Variants in TSC22D1 observed in about 807,000 individuals in gnomAD.
TSC22D1 encodes TSC22 domain family protein 1.
Under a neutral mutation model 74.2 loss-of-function variants are expected in TSC22D1, and 9 were observed. The ratio of observed to expected loss-of-function variants is 0.12; its 90% CI spans 0.07 to 0.21. The LOEUF (loss-of-function observed/expected upper bound fraction) is 0.21. Among genes scored for constraint, TSC22D1 ranks in the 10% least tolerant of loss-of-function variants. The probability of loss-of-function intolerance (pLI) is 1.00; values close to 1 mark genes in which losing one functional copy is unlikely to be tolerated. For synonymous variants in TSC22D1, 586 were observed against 492.5 expected, an observed-to-expected ratio of 1.19 and a Z score of -2.51; for missense variants, 1,427 against 1,304.7, an observed-to-expected ratio of 1.09 and a Z score of -1.44.
chr13:44,532,558 C>T (rs1403369474), intron 1 of TSC22D1, among the ~76,000 whole-genome samples: 1 of 152,154 alleles, frequency 6.6e-6, no homozygotes, highest in African/African-American at 2.4e-5. Context: ...ACTGCAAGCT[C>T]CGCCTCCCAG....
At chr13:44,572,762 T>C (rs1381167889) in intron 1 of TSC22D1, among the ~76,000 whole-genome samples, 1 of 152,212 alleles carries the variant, frequency 6.6e-6, no homozygotes, top group Non-Finnish European at 1.5e-5. Context: ...GGATGTCTAG[T>C]AAAGGAGAAC....
Position 44,536,939 on chromosome 13 carries a change from A to AC in TSC22D1, c.2912+36223_2912+36224insG, listed in dbSNP as rs1566159517. The AC allele has an allele frequency of 3.8e-4, 318 of 830,716 alleles. 4 individuals are homozygous for AC. In the African/African-American group the frequency reaches 6.6e-3, roughly 17 times the overall value. The allele number at this position is 830,716 out of a possible 1,614,324, so 51.5% of individuals were successfully genotyped here. Reference sequence around the variant, plus strand: ...AAGTATTTTTCTGAAAAAAAAAAAAAAAAAAAAAAAAAAAAAAAAACAAAA... The same window carrying AC: ...AAGTATTTTTCTGAAAAAAAAAAAAACAAAAAAAAAAAAAAAAAAAACAAAA... On this transcript the variant is annotated intron_variant, in intron 1 of 2. Transcript: ENST00000458659.
intron 1 of TSC22D1, among the ~76,000 whole-genome samples, chr13:44,526,612 C>T (rs9525974): frequency 0.38 from 58,443 of 152,060 alleles, 12,648 homozygotes; most frequent in Middle Eastern, 0.61. Context: ...ACTTAAGTCC[C>T]AGTAAGTCCA....
chr13:44,574,353 T>G lies in TSC22D1; in HGVS notation c.1722A>C (p.Ala574=), dbSNP rs769226789. ...TTACAGGCGATGGCTGGATACCAGT[T>G]GCAGCACTCATAGTGGCTTGCAGAG... ...PVPLQATMSA[A]TGIQPSPVNV... is the part of the protein sequence containing the mutation. Residue 574 remains alanine (A), a synonymous_variant, in exon 1 of 3, where the codon GCA becomes GCC. Coordinates refer to ENST00000458659, the MANE Select transcript of TSC22D1 (RefSeq NM_183422.4). 1.7e-5 allele frequency: 28 copies of G among 1,614,142 alleles called. No individual in the cohort carries two copies. Among genetic ancestry groups the G allele is most frequent in the Non-Finnish European group, 2.3e-5 (27 of 1,180,050 alleles).
chr13:44,452,316 C>G (rs1876208836), intron 1 of TSC22D1, among the ~76,000 whole-genome samples: 1 of 152,198 alleles, frequency 6.6e-6, no homozygotes, highest in Non-Finnish European at 1.5e-5. Flanking sequence ...CCCAGTTAAT[C>G]TTTACTACTC....
chr13:44,476,020 T>C (rs1230630563), intron 1 of TSC22D1, among the ~76,000 whole-genome samples: 1 of 152,188 alleles, frequency 6.6e-6, no homozygotes, highest in Non-Finnish European at 1.5e-5. Context: ...GAGCTCTGCA[T>C]GAACCATATA....
intron 1 of TSC22D1, among the ~76,000 whole-genome samples, chr13:44,509,212 CAGTCAATACCAGTGAATTCTGA>C (rs994025262): frequency 6.6e-6 from 1 of 152,148 alleles, no homozygotes; most frequent in Non-Finnish European, 1.5e-5. Context: ...AACAATGCTA[CAGTCAATACCAGTGAATTCTGA>C]AGCCAAGATT....
chr13:44,551,310 G>GGGGGTGTGTGTGTGT (rs1555272439), intron 1 of TSC22D1, among the ~76,000 whole-genome samples: 4 of 132,776 alleles, frequency 3.0e-5, no homozygotes, highest in African/African-American at 1.2e-4. Flanking sequence ...ATCAGCTGGG[G>GGGGGTGTGTGTGTGT]GTGTGTGTGT....
chr13:44,537,694 C>T, intron 1 of TSC22D1: 1 of 984,612 alleles, frequency 1.0e-6, no homozygotes, highest in African/African-American at 1.7e-5. Flanking sequence ...TATGGGAATT[C>T]AAAGCTCTCT....
At chr13:44,564,896 A>C (rs1441332880) in intron 1 of TSC22D1, among the ~76,000 whole-genome samples, 1 of 152,190 alleles carries the variant, frequency 6.6e-6, no homozygotes, top group Non-Finnish European at 1.5e-5. Flanking sequence ...AGTAATGATC[A>C]AGATGTAGAG....
intron 1 of TSC22D1, among the ~76,000 whole-genome samples, chr13:44,474,757 C>T (rs901475794): frequency 6.6e-6 from 1 of 150,568 alleles, no homozygotes; most frequent in South Asian, 2.1e-4. Flanking sequence ...GGAAGGAGGA[C>T]GGGAGGAGAG....
chr13:44,455,302 T>TTAA (rs1223398379), intron 1 of TSC22D1, among the ~76,000 whole-genome samples: 1 of 152,196 alleles, frequency 6.6e-6, no homozygotes, highest in African/African-American at 2.4e-5. Flanking sequence ...AAATGCTGTA[T>TTAA]TCAAGAGACC....
At chr13:44,532,639 A>AT (rs759228705) in intron 1 of TSC22D1, among the ~76,000 whole-genome samples, 11 of 151,712 alleles carry the variant, frequency 7.3e-5, no homozygotes, top group South Asian at 6.3e-4. Context: ...ATGCCCGGCT[A>AT]TTTTTTTAAT....
In TSC22D1 at chr13:44,478,062, T is replaced by TATA. The variant is rs746733291; in HGVS notation, c.2913-41970_2913-41968dup. On this transcript the variant is annotated intron_variant, in intron 1 of 2. Transcript: ENST00000458659. Reference sequence around the variant, plus strand: ...AAAAAGCAAATAGTAAAATAATAAGTATAATAATAATAATAAGTAAAATAA... The same window carrying TATA: ...AAAAAGCAAATAGTAAAATAATAAGTATAATAATAATAATAATAAGTAAAATAA... 2.1e-3 allele frequency among the ~76,000 whole-genome samples: 317 copies of TATA among 151,778 alleles called. 2 individuals are homozygous for TATA. The highest frequency in any genetic ancestry group is 3.6e-3 in the Non-Finnish European group (247 of 67,904).
chr13:44,434,263 C>T lies in TSC22D1; in HGVS notation c.*363G>A, dbSNP rs1874322216. ...TCGCTTCACAACCCCATGTAGGACA[C>T]TAAGCGCAAGCAGGAGAGAGAACCC... On this transcript the variant is annotated 3_prime_UTR_variant, in exon 3 of 3. Transcript: ENST00000458659. The T allele has an allele frequency of 7.2e-7, 1 of 1,396,472 alleles. No individual in the cohort carries two copies. Among genetic ancestry groups the T allele is most frequent in the Non-Finnish European group, 9.2e-7 (1 of 1,087,310 alleles). 86.5% of individuals were successfully genotyped at this position (1,396,472 alleles called of 1,614,324 possible).
intron 1 of TSC22D1, among the ~76,000 whole-genome samples, chr13:44,492,178 C>T (rs1351642541): frequency 2.0e-5 from 3 of 148,242 alleles, no homozygotes; most frequent in Admixed American, 6.6e-5. Flanking sequence ...TACTGTCAGT[C>T]AAAAATACAG....
At chr13:44,553,237 C>T (rs769508034) in intron 1 of TSC22D1, among the ~76,000 whole-genome samples, 13 of 151,996 alleles carry the variant, frequency 8.6e-5, no homozygotes, top group Non-Finnish European at 1.9e-4. Flanking sequence ...TCAATAAAAC[C>T]GTCTTTCTTC....
chr13:44,450,778 T>A (rs61949770), intron 1 of TSC22D1, among the ~76,000 whole-genome samples: 16,669 of 151,944 alleles, frequency 0.11, 978 homozygotes, highest in African/African-American at 0.14. Flanking sequence ...GGAACTCAGG[T>A]GGGGTTGGGC....
At chr13:44,434,973 C>T in intron 2 of TSC22D1, 90 bp from the exon 3 acceptor site, 4 of 1,146,080 alleles carry the variant, frequency 3.5e-6, no homozygotes, top group Non-Finnish European at 5.0e-6. Flanking sequence ...ATGGATCTCC[C>T]TAACTATTTA....
Sources: gnomAD v4.1 joint callset for allele counts (sites outside exome capture counted in the v4.1 genomes callset) on GRCh38, gnomAD v4.1.1 for gene constraint, MANE v1.5 for transcripts, NCBI Gene and HGNC (gene_info 2026-07-23, HGNC 2026-07-21) for gene names.